ANGPT2: variants seen among roughly 807,000 people sequenced by gnomAD.
ANGPT2 encodes the protein angiopoietin-2.
ANGPT2 carries 28 observed loss-of-function variants against 62.9 expected under a neutral mutation model. The observed-to-expected ratio is 0.44, with a 90% CI of 0.33 to 0.61. The LOEUF (loss-of-function observed/expected upper bound fraction) is 0.61, where lower values mean the gene tolerates loss of function less well. ANGPT2 is among the 20% of genes least tolerant of loss of function. ANGPT2 has a pLI of 0.03. For synonymous variants in ANGPT2, 284 were observed against 207.8 expected, an observed-to-expected ratio of 1.37 and a Z score of -3.15; for missense variants, 727 against 594.9, an observed-to-expected ratio of 1.22 and a Z score of -2.31.
rs542755642 is a variant in ANGPT2 at position 6,543,791 on chromosome 8, G to GT, written c.289-11305dup. The stretch of plus-strand genomic sequence containing the variant: ...TTCTCCCAAGTATTTAAAGCTGCGA[G>GT]TTTTTTCATATTTTCATATTTATTT... On this transcript the variant is annotated intron_variant, in intron 1 of 8. Coordinates refer to ENST00000629816, the MANE Select transcript of ANGPT2 (RefSeq NM_001118887.2). Among the ~76,000 whole-genome samples the GT allele has an allele frequency of 3.3e-3, 509 of 152,270 alleles. 2 individuals carry two copies. The highest frequency in any genetic ancestry group is 0.012 in the African/African-American group (489 of 41,560).
intron 1 of ANGPT2, among the ~76,000 whole-genome samples, chr8:6,559,096 C>T (rs1357326886): frequency 1.3e-5 from 2 of 152,116 alleles, no homozygotes; most frequent in South Asian, 2.1e-4. Context: ...TCTTGTCCTC[C>T]GCAGGAGGAC....
chr8:6,511,898 T>G (rs894856535), intron 7 of ANGPT2, among the ~76,000 whole-genome samples: 5 of 120,254 alleles, frequency 4.2e-5, no homozygotes, highest in South Asian at 2.6e-4. Flanking sequence ...TTTTTGTGCT[T>G]CTTTTTTTTT....
At chr8:6,518,674 C>G (rs149023088) in intron 5 of ANGPT2, among the ~76,000 whole-genome samples, 9 of 152,274 alleles carry the variant, frequency 5.9e-5, no homozygotes, top group African/African-American at 2.2e-4. Flanking sequence ...AGAGATAATA[C>G]TTCCAAGAGC....
intron 1 of ANGPT2, among the ~76,000 whole-genome samples, chr8:6,551,911 T>C (rs528438913): frequency 6.2e-4 from 95 of 152,358 alleles, no homozygotes; most frequent in East Asian, 2.5e-3. Flanking sequence ...TACATCTGTA[T>C]GTAATAATTT....
chr8:6,514,956 A>G (rs1815963188), intron 5 of ANGPT2, among the ~76,000 whole-genome samples, 178 bp from the exon 6 acceptor site: 1 of 152,196 alleles, frequency 6.6e-6, no homozygotes, highest in Non-Finnish European at 1.5e-5. Flanking sequence ...AAATAAATTG[A>G]AAGTGATGGA....
intron 1 of ANGPT2, among the ~76,000 whole-genome samples, chr8:6,544,755 G>A (rs1353085407): frequency 6.6e-6 from 1 of 152,146 alleles, no homozygotes; most frequent in African/African-American, 2.4e-5. Flanking sequence ...AGCATTTAGA[G>A]TTACACTTTG....
At position 6,501,462 on chromosome 8, in the gene ANGPT2, C is replaced by G. The variant is rs574409159; in HGVS notation, c.*1639G>C. 6.6e-6 allele frequency: 1 copy of G among 151,760 alleles called. No individual in the cohort carries two copies. The highest frequency in any genetic ancestry group is 2.1e-4 in the South Asian group (1 of 4,804). 9.4% of individuals were successfully genotyped at this position (151,760 alleles called of 1,614,324 possible). A position where few individuals can be genotyped will look rare whatever the true frequency, so the allele number is the denominator to read the frequency against. On this transcript the variant is annotated 3_prime_UTR_variant, in exon 9 of 9. Coordinates refer to ENST00000629816, the MANE Select transcript of ANGPT2 (RefSeq NM_001118887.2). ...CAAATGTTCATTAGTATTAATTGTACTATGAAAATTTCAAAAGGAGTTAAA... is the reference window on the plus strand; with the variant it reads ...CAAATGTTCATTAGTATTAATTGTAGTATGAAAATTTCAAAAGGAGTTAAA...
chr8:6,513,867 C>T, intron 6 of ANGPT2, 23 bp from the exon 7 acceptor site: 3 of 1,579,880 alleles, frequency 1.9e-6, no homozygotes, highest in Middle Eastern at 1.7e-4. Flanking sequence ...TTGTTAAATT[C>T]AATTATTTCA....
chr8:6,555,516 CTATGGTGCCAT>C (rs1420514639), intron 1 of ANGPT2, among the ~76,000 whole-genome samples: 1 of 150,140 alleles, frequency 6.7e-6, no homozygotes, highest in Non-Finnish European at 1.5e-5. Context: ...GGCTGGAGTA[CTATGGTGCCAT>C]CCTGGCTCAC....
At chr8:6,518,221 T>C (rs1816660138) in intron 5 of ANGPT2, among the ~76,000 whole-genome samples, 1 of 152,144 alleles carries the variant, frequency 6.6e-6, no homozygotes, top group Non-Finnish European at 1.5e-5. Flanking sequence ...TTCACATGCA[T>C]CCTCTGTCCC....
rs896755986 is a variant in ANGPT2 at position 6,509,074 on chromosome 8, C to T, written c.1197-12G>A. The T allele has an allele frequency of 6.2e-7, 1 of 1,600,238 alleles. No individual in the cohort carries two copies. Among genetic ancestry groups the T allele is most frequent in the Admixed American group, 1.8e-5 (1 of 56,350 alleles). ...CTTTAAGGTGAATCCTGTAAGCGTG[C>T]AAAGAAAAAAAACACATTGGCTAGG... On this transcript the variant is annotated splice_polypyrimidine_tract_variant and intron_variant, in intron 7 of 8. Transcript: ENST00000629816.
chr8:6,539,804 C>G (rs1220508710), intron 1 of ANGPT2, among the ~76,000 whole-genome samples: 2 of 152,206 alleles, frequency 1.3e-5, no homozygotes, highest in Non-Finnish European at 2.9e-5. Context: ...TCAGGCTGGT[C>G]TGAAACTCCT....
At chr8:6,505,260 TTTTATATATATGTATA>T (rs1813138211) in intron 8 of ANGPT2, among the ~76,000 whole-genome samples, 1 of 23,892 alleles carries the variant, frequency 4.2e-5, no homozygotes, top group Non-Finnish European at 8.5e-5. Flanking sequence ...TTTATATATG[TTTTATATATATGTATA>T]CATATATATG....
At chr8:6,515,872 G>T (rs1816168401) in intron 5 of ANGPT2, among the ~76,000 whole-genome samples, 1 of 152,206 alleles carries the variant, frequency 6.6e-6, no homozygotes, top group African/African-American at 2.4e-5. Context: ...CTAAAGAGGA[G>T]AGCGAAAAGA....
intron 1 of ANGPT2, among the ~76,000 whole-genome samples, chr8:6,555,511 G>C (rs959332195): frequency 6.6e-6 from 1 of 151,208 alleles, no homozygotes; most frequent in African/African-American, 2.5e-5. Flanking sequence ...GCCCAGGCTG[G>C]AGTACTATGG....
intron 5 of ANGPT2, among the ~76,000 whole-genome samples, chr8:6,518,300 G>A (rs1444517508): frequency 6.6e-6 from 1 of 152,190 alleles, no homozygotes; most frequent in Non-Finnish European, 1.5e-5. Flanking sequence ...GGCATGCACA[G>A]AATTGTCATG....
At chr8:6,558,778 A>G (rs1191317748) in intron 1 of ANGPT2, among the ~76,000 whole-genome samples, 1 of 152,194 alleles carries the variant, frequency 6.6e-6, no homozygotes, top group East Asian at 1.9e-4. Context: ...AACCCCATTT[A>G]GTAAACAAAG....
At chr8:6,540,475 G>C (rs763127327) in intron 1 of ANGPT2, among the ~76,000 whole-genome samples, 3 of 152,168 alleles carry the variant, frequency 2.0e-5, no homozygotes, top group Non-Finnish European at 1.5e-5. Context: ...GTCTTGTAGG[G>C]CACATGTATA....
At position 6,530,502 on chromosome 8, in the gene ANGPT2, C is replaced by G. The variant is rs1298337983; in HGVS notation, c.444+1830G>C. Among the ~76,000 whole-genome samples the G allele has an allele frequency of 3.0e-5, 3 of 99,020 alleles. No homozygotes were observed. In the East Asian group the frequency reaches 7.4e-4, roughly 24 times the overall value. The allele number at this position is 99,020 out of a possible 152,430, so 65.0% of individuals were successfully genotyped here. ...CCAACCTGGGCAATGCAGTGAGACTCTGTCTCAAAAAAAAAAAAAAAAAAA... is the reference window on the plus strand; with the variant it reads ...CCAACCTGGGCAATGCAGTGAGACTGTGTCTCAAAAAAAAAAAAAAAAAAA... On this transcript the variant is annotated intron_variant, in intron 2 of 8. Transcript: ENST00000629816.
Sources: gnomAD v4.1 joint callset for allele counts (sites outside exome capture counted in the v4.1 genomes callset) on GRCh38, gnomAD v4.1.1 for gene constraint, MANE v1.5 for transcripts, NCBI Gene and HGNC (gene_info 2026-07-23, HGNC 2026-07-21) for gene names.